Variants in CRYBG1 observed in about 807,000 individuals in gnomAD.
The protein encoded by CRYBG1 is crystallin beta-gamma domain containing 1, also known as beta/gamma crystallin domain-containing protein 1.
A neutral mutation model predicts 189.2 loss-of-function variants in CRYBG1; 139 were observed. That is an observed-to-expected ratio of 0.73 (90% CI 0.64 to 0.85). The LOEUF (loss-of-function observed/expected upper bound fraction) is 0.85. CRYBG1 is among the 40% of genes least tolerant of loss of function. CRYBG1 has a pLI of 0.00. For synonymous variants in CRYBG1, 1,023 were observed against 1,017.1 expected (o/e 1.01, Z -0.11); for missense variants, 2,611 against 2,675.8 (o/e 0.98, Z 0.53).
At chr6:106,468,589 C>T (rs1161601241) in intron 2 of CRYBG1, among the ~76,000 whole-genome samples, 2 of 152,138 alleles carry the variant, frequency 1.3e-5, no homozygotes, top group African/African-American at 4.8e-5. Context: ...ACTGGGGAGG[C>T]TGAGGTAGGA....
intron 1 of CRYBG1, among the ~76,000 whole-genome samples, chr6:106,395,289 G>T (rs147672949): frequency 0.017 from 2,494 of 151,042 alleles, 25 homozygotes; most frequent in South Asian, 0.043. Context: ...TTATACTTAG[G>T]TTTCTCTATT....
intron 1 of CRYBG1, among the ~76,000 whole-genome samples, chr6:106,423,306 A>G (rs1272921578): frequency 7.5e-6 from 1 of 133,484 alleles, no homozygotes; most frequent in South Asian, 2.4e-4. Flanking sequence ...TAACCAATAC[A>G]TTTTGCTAAG....
chr6:106,543,635 T>C (rs756194689), intron 11 of CRYBG1, 38 bp downstream of exon 11: 81 of 1,588,586 alleles, frequency 5.1e-5, no homozygotes, highest in Non-Finnish European at 6.2e-5. Flanking sequence ...TTCTTTTTTT[T>C]CCGAAATATT....
At position 106,512,822 on chromosome 6, in the gene CRYBG1, C is replaced by T. The variant is rs765807228; in HGVS notation, c.1705C>T (p.Arg569Cys). 2 of 1,575,352 alleles carry T rather than the reference C, an allele frequency of 1.3e-6. No homozygotes were observed. The highest frequency in any genetic ancestry group is 1.7e-6 in the Non-Finnish European group (2 of 1,160,242). ...GGAGGAGGCGGCGCGGGCCATCCCCCGCGAGCTCCCGGTCAAGAGCAGCTC... is the reference window on the plus strand; with the variant it reads ...GGAGGAGGCGGCGCGGGCCATCCCCTGCGAGCTCCCGGTCAAGAGCAGCTC... ...SGEEAARAIP[R>C]ELPVKSSSLL... The change falls in exon 3 of 22, where the codon CGC (arginine) becomes TGC (cysteine). Residue 569 changes from arginine to cysteine, a missense_variant. Transcript: ENST00000633556.
At chr6:106,468,989 A>C (rs967522007) in intron 2 of CRYBG1, among the ~76,000 whole-genome samples, 1 of 152,086 alleles carries the variant, frequency 6.6e-6, no homozygotes, top group African/African-American at 2.4e-5. Flanking sequence ...TAACTTTCCC[A>C]GTGCTTTCAC....
At position 106,475,172 on chromosome 6, in the gene CRYBG1, A is replaced by T. The variant is rs77676053; in HGVS notation, c.312+23340A>T. Among the ~76,000 whole-genome samples the T allele has an allele frequency of 1.7e-4, 26 of 152,320 alleles. 1 individual carries two copies. The East Asian group carries it at 5.0e-3, about 29-fold the overall frequency. The stretch of plus-strand genomic sequence containing the variant: ...ATCACCCGAATGTTTCAAATGCCAG[A>T]TCTTCAAGGAGAATATGGGGGAGGA... On this transcript the variant is annotated intron_variant, in intron 2 of 21. Coordinates refer to ENST00000633556, the MANE Select transcript of CRYBG1 (RefSeq NM_001371242.2).
chr6:106,395,811 A>G (rs1037540102), intron 1 of CRYBG1, among the ~76,000 whole-genome samples: 23 of 152,170 alleles, frequency 1.5e-4, no homozygotes, highest in African/African-American at 5.5e-4. Context: ...ATATATATAT[A>G]TAGATTTGGG....
At chr6:106,483,401 T>TATATATATATATATATATATATATA in intron 2 of CRYBG1, among the ~76,000 whole-genome samples, 1 of 95,596 alleles carries the variant, frequency 1.0e-5, no homozygotes, top group Non-Finnish European at 2.5e-5. Context: ...GATATATATA[T>TATATATATATATATATATATATATA]AAAACATTTT....
chr6:106,477,174 T>C (rs943399499), intron 2 of CRYBG1, among the ~76,000 whole-genome samples: 7 of 152,236 alleles, frequency 4.6e-5, no homozygotes, highest in Admixed American at 3.9e-4. Flanking sequence ...CCCATTGTAA[T>C]TCCAAAGCCA....
intron 2 of CRYBG1, among the ~76,000 whole-genome samples, chr6:106,478,638 G>A (rs754550796): frequency 7.9e-5 from 12 of 152,138 alleles, no homozygotes; most frequent in Non-Finnish European, 1.6e-4. Flanking sequence ...AGGGGCCCCC[G>A]ACCCCTGGAC....
intron 1 of CRYBG1, among the ~76,000 whole-genome samples, chr6:106,375,155 A>G (rs710094): frequency 0.68 from 102,498 of 151,836 alleles, 34,684 homozygotes; most frequent in East Asian, 0.89. Context: ...AAGCTGAGGC[A>G]GGAGGATCAC....
intron 1 of CRYBG1, among the ~76,000 whole-genome samples, chr6:106,413,613 G>A (rs1446308935): frequency 6.6e-6 from 1 of 152,018 alleles, no homozygotes; most frequent in Non-Finnish European, 1.5e-5. Flanking sequence ...GGAAGCAGCG[G>A]TTGCAGTGAG....
chr6:106,485,656 T>A (rs765485933), intron 2 of CRYBG1, among the ~76,000 whole-genome samples: 4 of 152,206 alleles, frequency 2.6e-5, no homozygotes, highest in Non-Finnish European at 5.9e-5. Flanking sequence ...AGTACATACC[T>A]TCTATATCTA....
chr6:106,360,854 C>T lies in CRYBG1; in HGVS notation c.-55C>T, dbSNP rs957967234. The T allele has an allele frequency of 3.4e-6, 5 of 1,482,482 alleles. No individual in the cohort carries two copies. Among genetic ancestry groups the T allele is most frequent in the East Asian group, 5.0e-5 (2 of 39,604 alleles). The allele number at this position is 1,482,482 out of a possible 1,614,324, so 91.8% of individuals were successfully genotyped here. ...GCTCAGGTGTGTTCTTCCATAGGGC[C>T]CGGGCGGCAGAGAGGACCGCGTCCC... On this transcript the variant is annotated 5_prime_UTR_variant, in exon 1 of 22. Coordinates refer to ENST00000633556, the MANE Select transcript of CRYBG1 (RefSeq NM_001371242.2).
At chr6:106,538,232 C>G (rs1774049165) in intron 8 of CRYBG1, among the ~76,000 whole-genome samples, 1 of 152,164 alleles carries the variant, frequency 6.6e-6, no homozygotes, top group South Asian at 2.1e-4. Context: ...CTTCTCAGAA[C>G]CCTTCCCAGG....
chr6:106,446,937 C>T (rs974458683), intron 1 of CRYBG1, among the ~76,000 whole-genome samples: 3 of 152,048 alleles, frequency 2.0e-5, no homozygotes, highest in African/African-American at 7.2e-5. Flanking sequence ...TTAAAGTAAG[C>T]CAAATAAAAA....
At chr6:106,504,119 T>TAA (rs1773074967) in intron 2 of CRYBG1, among the ~76,000 whole-genome samples, 1 of 151,294 alleles carries the variant, frequency 6.6e-6, no homozygotes, top group East Asian at 2.1e-4. Flanking sequence ...AAAGATTTTT[T>TAA]TAAAAAAAGA....
chr6:106,444,682 G>A (rs564509404), intron 1 of CRYBG1, among the ~76,000 whole-genome samples: 4 of 152,262 alleles, frequency 2.6e-5, no homozygotes, highest in East Asian at 1.9e-4. Context: ...TCACAGACTC[G>A]GTAGCACCCA....
chr6:106,379,541 G>A (rs188107349), intron 1 of CRYBG1, among the ~76,000 whole-genome samples: 92 of 151,652 alleles, frequency 6.1e-4, no homozygotes, highest in Non-Finnish European at 1.1e-3. Context: ...GATTACAGGC[G>A]TGAGCCACCG....
Sources: allele counts gnomAD v4.1 joint callset (sites outside exome capture counted in the v4.1 genomes callset), GRCh38; gene constraint gnomAD v4.1.1; transcripts MANE v1.5; gene names NCBI Gene and HGNC (gene_info 2026-07-23, HGNC 2026-07-21).